The following ADAMTS19 variants were observed in gnomAD, a reference collection of about 807,000 sequenced individuals.
ADAMTS19 encodes ADAM metallopeptidase with thrombospondin type 1 motif 19.
ADAMTS19 carries 93 observed loss-of-function variants against 153.3 expected under a neutral mutation model. That is an observed-to-expected ratio of 0.61 (90% CI 0.51 to 0.72). ADAMTS19 has a LOEUF of 0.72. Among genes scored for constraint, ADAMTS19 ranks in the 30% least tolerant of loss-of-function variants. ADAMTS19 has a pLI of 0.00. For missense variants in ADAMTS19, 1,482 were observed against 1,552.1 expected (o/e 0.95, Z 0.76); for synonymous variants, 600 against 556.6 (o/e 1.08, Z -1.10).
At chr5:129,654,578 G>T in intron 14 of ADAMTS19, 145 bp downstream of exon 14, 1 of 898,722 alleles carries the variant, frequency 1.1e-6, no homozygotes. Context: ...CCTTGAGCAA[G>T]TCTGATTTAC....
At chr5:129,679,972 G>C in intron 17 of ADAMTS19, 51 bp downstream of exon 17, 1 of 1,535,092 alleles carries the variant, frequency 6.5e-7, no homozygotes, top group Non-Finnish European at 8.8e-7. Context: ...TCATGGCAAG[G>C]AATATTCCCA....
rs541705364 is a variant in ADAMTS19 at position 129,674,960 on chromosome 5, G to C, written c.2507-4804G>C. 1.3e-4 allele frequency among the ~76,000 whole-genome samples: 19 copies of C among 151,926 alleles called. No homozygotes were observed. In the South Asian group the frequency reaches 2.7e-3, roughly 22 times the overall value. ...AGTCTCCTGACATTTCTCAAATTTT[G>C]TTTGTCTGAATATATTTTTACTTTG... On this transcript the variant is annotated intron_variant, in intron 16 of 22. Transcript: ENST00000274487.
At chr5:129,687,471 A>G (rs726259) in intron 18 of ADAMTS19, among the ~76,000 whole-genome samples, 6,755 of 152,254 alleles carry the variant, frequency 0.044, 456 homozygotes, top group African/African-American at 0.15. Flanking sequence ...ATTGTCTAGG[A>G]TCAACATTCT....
chr5:129,498,522 T>A (rs1750997652), intron 2 of ADAMTS19, among the ~76,000 whole-genome samples: 1 of 152,236 alleles, frequency 6.6e-6, no homozygotes, highest in East Asian at 1.9e-4. Context: ...AAATATGTTT[T>A]GCTGTGACAT....
At position 129,460,422 on chromosome 5, in the gene ADAMTS19, C is replaced by T. The variant is rs751796098; in HGVS notation, c.31C>T (p.His11Tyr). Residue 11 changes from histidine (H) to tyrosine (Y), a missense_variant, in exon 1 of 23, where the codon CAC becomes TAC. Physicochemically the swap from His to Tyr is moderately conservative, Grantham distance 83. Transcript: ENST00000274487. ...GAAGAACCGCGAGATGCGCCTGACT[C>T]ACATCTGCTGCTGCTGCCTCCTTTA... is the stretch of plus-strand genomic sequence containing the variant. MGKNREMRLT[H>Y]ICCCCLLYQL... 6.2e-7 allele frequency: 1 copy of T among 1,614,144 alleles called. No homozygotes were observed. The highest frequency in any genetic ancestry group is 1.7e-5 in the Admixed American group (1 of 60,030).
At chr5:129,658,853 G>A in intron 15 of ADAMTS19, 116 bp downstream of exon 15, 2 of 1,117,334 alleles carry the variant, frequency 1.8e-6, no homozygotes, top group Non-Finnish European at 2.4e-6. Context: ...CTTGCAATGG[G>A]TATTAAATTA....
intron 19 of ADAMTS19, among the ~76,000 whole-genome samples, chr5:129,697,936 G>A (rs1755637112): frequency 6.6e-6 from 1 of 152,190 alleles, no homozygotes; most frequent in South Asian, 2.1e-4. Context: ...GATACATCAG[G>A]AATCTTGAAA....
chr5:129,486,910 T>A (rs1424168584), intron 2 of ADAMTS19, among the ~76,000 whole-genome samples: 11 of 152,176 alleles, frequency 7.2e-5, no homozygotes, highest in Non-Finnish European at 1.3e-4. Context: ...TTTAGCAAGG[T>A]CACAGGATGC....
intron 7 of ADAMTS19, among the ~76,000 whole-genome samples, chr5:129,554,448 C>T (rs1273209417): frequency 6.6e-6 from 1 of 152,070 alleles, no homozygotes. Flanking sequence ...CCTATATTTG[C>T]CTCAACAAGC....
intron 10 of ADAMTS19, among the ~76,000 whole-genome samples, chr5:129,629,893 A>G (rs866047817): frequency 1.5e-4 from 23 of 152,154 alleles, no homozygotes; most frequent in African/African-American, 5.3e-4. Flanking sequence ...TTTTCCCTAG[A>G]AATAGTAAGA....
At position 129,462,758 on chromosome 5, in the gene ADAMTS19, A is replaced by G. The variant is rs73785195; in HGVS notation, c.747+1001A>G. ...TGTTGCCACCACCATAGGCTTTACTATTAATTGGTTTAAGACAAAACTCAT... is the reference window on the plus strand; with the variant it reads ...TGTTGCCACCACCATAGGCTTTACTGTTAATTGGTTTAAGACAAAACTCAT... On this transcript the variant is annotated intron_variant, in intron 2 of 22. Coordinates refer to ENST00000274487, the MANE Select transcript of ADAMTS19 (RefSeq NM_133638.6). 7.8e-3 allele frequency among the ~76,000 whole-genome samples: 1,181 copies of G among 152,352 alleles called. 19 individuals are homozygous for G. Among genetic ancestry groups the G allele is most frequent in the African/African-American group, 0.027 (1,110 of 41,574 alleles).
At chr5:129,472,407 C>G (rs1409569186) in intron 2 of ADAMTS19, among the ~76,000 whole-genome samples, 1 of 152,174 alleles carries the variant, frequency 6.6e-6, no homozygotes, top group Non-Finnish European at 1.5e-5. Flanking sequence ...CGTATATACT[C>G]TTTTTGGAAA....
intron 7 of ADAMTS19, among the ~76,000 whole-genome samples, chr5:129,559,580 G>T (rs1038776626): frequency 2.0e-5 from 3 of 152,110 alleles, no homozygotes; most frequent in Non-Finnish European, 2.9e-5. Context: ...AATCATTTTG[G>T]AGAACTTTGG....
intron 2 of ADAMTS19, among the ~76,000 whole-genome samples, chr5:129,462,344 G>A (rs1749703570): frequency 6.6e-6 from 1 of 152,216 alleles, no homozygotes; most frequent in African/African-American, 2.4e-5. Flanking sequence ...TGAGAGACTG[G>A]AGGTTGAGTA....
intron 7 of ADAMTS19, among the ~76,000 whole-genome samples, chr5:129,562,203 C>T (rs930097316): frequency 6.6e-6 from 1 of 152,176 alleles, no homozygotes; most frequent in African/African-American, 2.4e-5. Flanking sequence ...TTAACTGAGA[C>T]ATCATATTTT....
chr5:129,604,283 A>C (rs565241533), intron 8 of ADAMTS19, among the ~76,000 whole-genome samples: 4 of 152,170 alleles, frequency 2.6e-5, no homozygotes, highest in Non-Finnish European at 5.9e-5. Flanking sequence ...GCAGGACCTA[A>C]GTACATGTTG....
At chr5:129,632,046 T>C (rs1752320924) in intron 10 of ADAMTS19, among the ~76,000 whole-genome samples, 1 of 152,046 alleles carries the variant, frequency 6.6e-6, no homozygotes, top group Admixed American at 6.6e-5. Flanking sequence ...CACATCTTTA[T>C]TTAAAGGGCC....
intron 3 of ADAMTS19, among the ~76,000 whole-genome samples, chr5:129,522,367 G>C (rs1292304340): frequency 2.4e-5 from 1 of 41,810 alleles, no homozygotes; most frequent in Non-Finnish European, 4.1e-5. Context: ...ATATATATAT[G>C]ATCAGTTTGG....
intron 8 of ADAMTS19, among the ~76,000 whole-genome samples, chr5:129,598,305 G>T (rs1377156857): frequency 1.3e-5 from 2 of 151,980 alleles, no homozygotes; most frequent in Non-Finnish European, 2.9e-5. Context: ...CCTAGTATAT[G>T]GTACACCCAG....
Sources: allele counts gnomAD v4.1 joint callset (sites outside exome capture counted in the v4.1 genomes callset), GRCh38; gene constraint gnomAD v4.1.1; transcripts MANE v1.5; gene names NCBI Gene and HGNC (gene_info 2026-07-23, HGNC 2026-07-21).